Variants in RYR2 observed in about 807,000 individuals in gnomAD.
RYR2 encodes cardiac muscle ryanodine receptor-calcium release channel.
In RYR2, 227 loss-of-function variants were observed where a neutral mutation model predicts 601.1. That is an observed-to-expected ratio of 0.38 (90% CI 0.34 to 0.42). RYR2 has a LOEUF of 0.42. Among genes scored for constraint, RYR2 ranks in the 10% least tolerant of loss-of-function variants. RYR2 has a pLI of 1.00. For missense variants in RYR2, 4,646 were observed against 6,156.5 expected, an observed-to-expected ratio of 0.75 and a Z score of 8.21; for synonymous variants, 2,223 against 2,175.1, an observed-to-expected ratio of 1.02 and a Z score of -0.61.
intron 38 of RYR2, among the ~76,000 whole-genome samples, chr1:237,623,095 A>G (rs182040606): frequency 6.6e-6 from 1 of 152,350 alleles, no homozygotes; most frequent in Admixed American, 6.5e-5. Flanking sequence ...GAAATTTAGG[A>G]TAAGCATGAT....
intron 1 of RYR2, among the ~76,000 whole-genome samples, chr1:237,059,286 T>C (rs1462369026): frequency 6.6e-6 from 1 of 152,128 alleles, no homozygotes; most frequent in African/African-American, 2.4e-5. Flanking sequence ...GCCATTGCCA[T>C]CTAACGTGAA....
intron 65 of RYR2, 38 bp from the exon 66 acceptor site, chr1:237,701,940 T>C: frequency 8.7e-7 from 1 of 1,154,480 alleles, no homozygotes; most frequent in South Asian, 1.3e-5. Flanking sequence ...TATAAATAAG[T>C]GGGTTTTTCT....
chr1:237,635,086 C>T, intron 44 of RYR2, 94 bp downstream of exon 44: 1 of 1,006,956 alleles, frequency 9.9e-7, no homozygotes, highest in East Asian at 2.7e-5. Context: ...GTGCAGAAGT[C>T]ATTGTGGTTT....
At chr1:237,731,232 GAGAAA>G (rs1384582038) in intron 77 of RYR2, among the ~76,000 whole-genome samples, 1 of 152,076 alleles carries the variant, frequency 6.6e-6, no homozygotes, top group Admixed American at 6.6e-5. Flanking sequence ...TTCATGTACA[GAGAAA>G]ATTAGTTTCC....
chr1:237,356,028 G>T (rs1287331418), intron 4 of RYR2, 43 bp downstream of exon 4: 1 of 1,568,502 alleles, frequency 6.4e-7, no homozygotes, highest in East Asian at 2.3e-5. Flanking sequence ...TGATCTAAAA[G>T]TGCATGCTTG....
At chr1:237,345,481 TA>T (rs898741264) in intron 3 of RYR2, among the ~76,000 whole-genome samples, 66 of 144,934 alleles carry the variant, frequency 4.6e-4, no homozygotes, top group Non-Finnish European at 7.0e-4. Context: ...AAATAAAAAA[TA>T]AAAAAAAATA....
intron 14 of RYR2, among the ~76,000 whole-genome samples, chr1:237,450,529 C>G (rs1001353685): frequency 1.1e-4 from 14 of 130,350 alleles, no homozygotes; most frequent in African/African-American, 3.6e-4. Context: ...CCCCGCCACT[C>G]CCCATTATAC....
chr1:237,430,201 A>T (rs996076248), intron 12 of RYR2, among the ~76,000 whole-genome samples: 25 of 150,678 alleles, frequency 1.7e-4, no homozygotes, highest in Non-Finnish European at 3.7e-4. Context: ...TCCATAACAT[A>T]TGTTATATGC....
At chr1:237,802,949 G>GAAC (rs1660147560) in intron 98 of RYR2, among the ~76,000 whole-genome samples, 2 of 152,156 alleles carry the variant, frequency 1.3e-5, no homozygotes, top group Admixed American at 6.5e-5. Flanking sequence ...TATTTTAGTA[G>GAAC]GCTTTTATCC....
chr1:237,235,520 T>C (rs947205730), intron 1 of RYR2, among the ~76,000 whole-genome samples: 1 of 152,242 alleles, frequency 6.6e-6, no homozygotes, highest in Non-Finnish European at 1.5e-5. Flanking sequence ...AATCTGAATT[T>C]GTGGCACAGT....
intron 1 of RYR2, among the ~76,000 whole-genome samples, chr1:237,248,064 A>G (rs1572351095): frequency 6.6e-6 from 1 of 152,034 alleles, no homozygotes; most frequent in Non-Finnish European, 1.5e-5. Flanking sequence ...ACGAGGTCAG[A>G]AGTTTGAGCC....
chr1:237,205,623 G>A (rs1009491402), intron 1 of RYR2, among the ~76,000 whole-genome samples: 3 of 152,212 alleles, frequency 2.0e-5, no homozygotes, highest in African/African-American at 7.2e-5. Context: ...CATCACCTAT[G>A]CCTGAGGCCA....
chr1:237,084,763 A>G (rs1353994401), intron 1 of RYR2, among the ~76,000 whole-genome samples: 1 of 152,206 alleles, frequency 6.6e-6, no homozygotes, highest in East Asian at 1.9e-4. Flanking sequence ...TTAATTCTCT[A>G]AAAGGAGAAT....
chr1:237,072,648 C>T (rs1473410837), intron 1 of RYR2, among the ~76,000 whole-genome samples: 1 of 152,122 alleles, frequency 6.6e-6, no homozygotes, highest in Non-Finnish European at 1.5e-5. Context: ...TTAGTGTTTG[C>T]CAGAGCATTT....
At chr1:237,554,779 T>C (rs556140779) in intron 27 of RYR2, among the ~76,000 whole-genome samples, 5 of 152,192 alleles carry the variant, frequency 3.3e-5, no homozygotes, top group East Asian at 1.9e-4. Context: ...ATTGCACTAA[T>C]GTGCTCTTAT....
intron 1 of RYR2, among the ~76,000 whole-genome samples, chr1:237,244,930 CTAA>C (rs1000534180): frequency 2.0e-4 from 30 of 152,248 alleles, no homozygotes; most frequent in African/African-American, 7.2e-4. Flanking sequence ...TATTTTAAAA[CTAA>C]TGTTTAATCA....
intron 17 of RYR2, among the ~76,000 whole-genome samples, chr1:237,477,045 C>A (rs1314718650): frequency 6.6e-6 from 1 of 152,134 alleles, no homozygotes; most frequent in Non-Finnish European, 1.5e-5. Flanking sequence ...GAAGTCTTGT[C>A]TCGTAAAACC....
chr1:237,831,460 T>G, intron 103 of RYR2, 54 bp from the exon 104 acceptor site: 2 of 972,192 alleles, frequency 2.1e-6, no homozygotes, highest in Non-Finnish European at 3.3e-6. Context: ...TATGCCCTGT[T>G]TATCCTAATA....
At position 237,759,778 on chromosome 1, in the gene RYR2, A is replaced by T. The variant is rs1192929287; in HGVS notation, c.11328A>T (p.Lys3776Asn). 1 of 1,608,274 alleles carries T rather than the reference A, an allele frequency of 6.2e-7. No individual in the cohort carries two copies. The highest frequency in any genetic ancestry group is 1.1e-5 in the South Asian group (1 of 90,936). Residue 3776 changes from lysine to asparagine, a missense_variant and splice_region_variant, in exon 83 of 105, where the codon AAA (lysine) becomes AAT (asparagine). Lys to Asn is a moderately conservative substitution (Grantham distance 94, BLOSUM62 0). Transcript: ENST00000366574. ...LNGGNSTVQQKMLDYLKEKKD... is the reference protein window; with the variant it reads ...LNGGNSTVQQNMLDYLKEKKD... ...CGTGGTTTCTATAATTCCCATAGAA[A>T]ATGCTTGACTACCTCAAGGAGAAAA...
Sources: allele counts gnomAD v4.1 joint callset (sites outside exome capture counted in the v4.1 genomes callset), GRCh38; gene constraint gnomAD v4.1.1; transcripts MANE v1.5; gene names NCBI Gene and HGNC (gene_info 2026-07-23, HGNC 2026-07-21).